KMT2E: variants seen among roughly 807,000 people sequenced by gnomAD.
KMT2E encodes the protein lysine methyltransferase 2E (inactive).
In KMT2E, 30 loss-of-function variants were observed where a neutral mutation model predicts 184.6. The ratio of observed to expected loss-of-function variants is 0.16; its 90% CI spans 0.12 to 0.22. The LOEUF is 0.22. Among genes scored for constraint, KMT2E ranks in the 10% least tolerant of loss-of-function variants. The pLI is 1.00. For missense variants in KMT2E, 2,023 were observed against 2,237.4 expected (o/e 0.90, Z 1.93); for synonymous variants, 815 against 776.5 (o/e 1.05, Z -0.82).
At chr7:105,075,560 C>G (rs1190411106) in intron 8 of KMT2E, among the ~76,000 whole-genome samples, 1 of 152,112 alleles carries the variant, frequency 6.6e-6, no homozygotes, top group Non-Finnish European at 1.5e-5. Flanking sequence ...GTCTAACACC[C>G]TCCCAATTTT....
intron 6 of KMT2E, among the ~76,000 whole-genome samples, chr7:105,067,217 T>C (rs904745805): frequency 6.6e-6 from 1 of 151,988 alleles, no homozygotes; most frequent in Non-Finnish European, 1.5e-5. Context: ...TATCTATCAA[T>C]AGTGTGTCAT....
rs757221143 is a variant in KMT2E at position 105,112,147 on chromosome 7, A to G, written c.4391A>G (p.Tyr1464Cys). 6.2e-7 allele frequency: 1 copy of G among 1,614,166 alleles called. No homozygotes were observed. The highest frequency in any genetic ancestry group is 1.1e-5 in the South Asian group (1 of 91,082). The stretch of plus-strand genomic sequence containing the variant: ...CCTCACACACCTGTACAGCATGGTT[A>G]TCTTTCACCAAAGCCTCCTTCACAG... ...STPHTPVQHG[Y>C]LSPKPPSQQL... Residue 1464 changes from tyrosine (Y) to cysteine (C), a missense_variant, in exon 27 of 27, where the codon TAT (tyrosine) becomes TGT (cysteine). By Grantham distance (194) the Tyr-to-Cys change is radical (BLOSUM62 -2). This residue lies in a region of KMT2E where 1,108 missense variants were observed against 1,050.9 expected (regional missense o/e 1.05). Transcript: ENST00000311117.
At chr7:105,063,680 A>G (rs1796911933) in intron 5 of KMT2E, 100 bp downstream of exon 5, 3 of 768,660 alleles carry the variant, frequency 3.9e-6, no homozygotes, top group East Asian at 5.6e-5. Context: ...GAATTAATGG[A>G]TACATATTTT....
intron 15 of KMT2E, among the ~76,000 whole-genome samples, chr7:105,093,369 A>G (rs1454373594): frequency 6.6e-6 from 1 of 152,074 alleles, no homozygotes; most frequent in Non-Finnish European, 1.5e-5. Context: ...GAACATCCTC[A>G]TTTCCAGATG....
At chr7:105,077,741 G>A (rs933652577) in intron 11 of KMT2E, 3 of 235,426 alleles carry the variant, frequency 1.3e-5, no homozygotes, top group Middle Eastern at 1.7e-3. Context: ...TATCAGTCAG[G>A]AATTCTGATT....
At chr7:105,029,598 T>C (rs532683513) in intron 1 of KMT2E, among the ~76,000 whole-genome samples, 97 of 152,152 alleles carry the variant, frequency 6.4e-4, no homozygotes, top group African/African-American at 2.3e-3. Context: ...AGAATGAGTC[T>C]TAAACACTGA....
intron 12 of KMT2E, among the ~76,000 whole-genome samples, chr7:105,080,532 G>A (rs1370517008): frequency 6.6e-6 from 1 of 152,056 alleles, no homozygotes; most frequent in Non-Finnish European, 1.5e-5. Flanking sequence ...GCTGCACCCA[G>A]CTAAGAGTAC....
At chr7:105,086,936 GTATA>G (rs1193363164) in intron 13 of KMT2E, among the ~76,000 whole-genome samples, 9 of 144,838 alleles carry the variant, frequency 6.2e-5, no homozygotes, top group Admixed American at 5.6e-4. Context: ...CTACATATAA[GTATA>G]TATAGTATGC....
intron 3 of KMT2E, among the ~76,000 whole-genome samples, chr7:105,059,061 T>G (rs544883483): frequency 6.6e-6 from 1 of 152,318 alleles, no homozygotes; most frequent in South Asian, 2.1e-4. Context: ...CACTGCATCA[T>G]GGATTATGTT....
At chr7:105,106,798 A>G (rs1310792967) in intron 20 of KMT2E, 26 bp downstream of exon 20, 2 of 1,605,890 alleles carry the variant, frequency 1.2e-6, no homozygotes, top group African/African-American at 1.3e-5. Flanking sequence ...GGAGAAAAAA[A>G]AATTCAACAC....
intron 1 of KMT2E, among the ~76,000 whole-genome samples, chr7:105,032,837 A>G (rs1410285074): frequency 7.2e-5 from 11 of 152,248 alleles, no homozygotes; most frequent in Admixed American, 5.9e-4. Context: ...ATTAATTACA[A>G]TAAGCTTTAA....
chr7:105,056,750 A>G (rs1796583234), intron 3 of KMT2E, among the ~76,000 whole-genome samples: 1 of 152,228 alleles, frequency 6.6e-6, no homozygotes, highest in Non-Finnish European at 1.5e-5. Context: ...TTGAGAACAA[A>G]TTCTGAACAA....
chr7:105,106,782 T>C lies in KMT2E; in HGVS notation c.2847+10T>C. ...TACCATGCACTTTGAGGTGAGAAAT[T>C]TTAATGGAGAAAAAAAAATTCAACA... is the stretch of plus-strand genomic sequence containing the variant. On this transcript the variant is annotated intron_variant, in intron 20 of 26. Transcript: ENST00000311117. 1 of 1,606,854 alleles carries C rather than the reference T, an allele frequency of 6.2e-7. No homozygotes were observed. The highest frequency in any genetic ancestry group is 8.5e-7 in the Non-Finnish European group (1 of 1,176,038).
Position 105,114,413 on chromosome 7 carries a change from T to C in KMT2E, c.*1080T>C, listed in dbSNP as rs1368888239. 6.6e-6 allele frequency: 1 copy of C among 152,092 alleles called. No individual in the cohort carries two copies. The highest frequency in any genetic ancestry group is 2.4e-5 in the African/African-American group (1 of 41,402). The allele number at this position is 152,092 out of a possible 1,614,324, so 9.4% of individuals were successfully genotyped here. A position where few individuals can be genotyped will look rare whatever the true frequency, so the allele number is the denominator to read the frequency against. The stretch of plus-strand genomic sequence containing the variant: ...GGTAGTTTGCCCAAAACAGGAAAAT[T>C]TGTCTTGGGTGTAAAAACTAAAGAA... On this transcript the variant is annotated 3_prime_UTR_variant, in exon 27 of 27. Transcript: ENST00000311117.
chr7:105,106,475 C>A lies in KMT2E; in HGVS notation c.2597-47C>A, dbSNP rs747290483. On this transcript the variant is annotated intron_variant, in intron 19 of 26. Coordinates refer to ENST00000311117, the MANE Select transcript of KMT2E (RefSeq NM_182931.3). ...AGAATGTGACACAAACAGATTTTAA[C>A]AAATAGCAACAGTGTAATTTCTTAC... 15 of 1,505,628 alleles carry A rather than the reference C, an allele frequency of 1.0e-5. No individual in the cohort carries two copies. In the East Asian group the frequency reaches 2.5e-4, roughly 25 times the overall value. The allele number at this position is 1,505,628 out of a possible 1,614,324, so 93.3% of individuals were successfully genotyped here. A position where few individuals can be genotyped will look rare whatever the true frequency, so the allele number is the denominator to read the frequency against.
In KMT2E at chr7:105,014,245, A is replaced by G. The variant is rs1473766849; in HGVS notation, c.-479A>G. ...GACACTGAGCGGGCGCAGGGGGCCGAGTCGGAGACCGTGCCGGAGTTCGGG... is the reference window on the plus strand; with the variant it reads ...GACACTGAGCGGGCGCAGGGGGCCGGGTCGGAGACCGTGCCGGAGTTCGGG... On this transcript the variant is annotated 5_prime_UTR_variant, in exon 1 of 27. Transcript: ENST00000311117. 1.1e-5 allele frequency: 2 copies of G among 181,048 alleles called. No individual in the cohort carries two copies. Among genetic ancestry groups the G allele is most frequent in the Non-Finnish European group, 1.1e-5 (1 of 88,928 alleles). 11.2% of individuals were successfully genotyped at this position (181,048 alleles called of 1,614,324 possible). A position where few individuals can be genotyped will look rare whatever the true frequency, so the allele number is the denominator to read the frequency against.
chr7:105,078,410 CTA>C (rs1000020336), intron 11 of KMT2E, among the ~76,000 whole-genome samples: 3 of 152,290 alleles, frequency 2.0e-5, no homozygotes, highest in African/African-American at 7.2e-5. Context: ...CTTGGCTTCA[CTA>C]TGTCTTTTAG....
chr7:105,108,486 C>CT, intron 22 of KMT2E: 1 of 440,868 alleles, frequency 2.3e-6, no homozygotes, highest in South Asian at 1.6e-5. Flanking sequence ...TGTTAGTAGG[C>CT]TTATTGCTTT....
At chr7:105,041,219 A>C (rs950078134) in intron 3 of KMT2E, among the ~76,000 whole-genome samples, 196 bp downstream of exon 3, 16 of 151,852 alleles carry the variant, frequency 1.1e-4, no homozygotes, top group African/African-American at 2.9e-4. Flanking sequence ...TTTCCTTTTA[A>C]ATAGCATTAC....
Sources: allele counts gnomAD v4.1 joint callset (sites outside exome capture counted in the v4.1 genomes callset), GRCh38; gene constraint gnomAD v4.1.1; regional missense constraint gnomAD v4.1.1; transcripts MANE v1.5; gene names NCBI Gene and HGNC (gene_info 2026-07-23, HGNC 2026-07-21).